Variants in MTRFR observed in about 807,000 individuals in gnomAD.
MTRFR encodes mitochondrial translation release factor in rescue, also known as probable peptide chain release factor C12orf65, mitochondrial.
In MTRFR, 10 loss-of-function variants were observed where a neutral mutation model predicts 11.9. That is an observed-to-expected ratio of 0.84 (90% CI 0.52 to 1.42). The LOEUF is 1.42. Ranked by LOEUF, MTRFR falls within the 40% of genes most tolerant of loss-of-function variation. The probability of loss-of-function intolerance (pLI) is 0.00; values close to 1 mark genes in which losing one functional copy is unlikely to be tolerated. For missense variants in MTRFR, 196 were observed against 197.9 expected, an observed-to-expected ratio of 0.99 and a Z score of 0.06; for synonymous variants, 77 against 79.1, an observed-to-expected ratio of 0.97 and a Z score of 0.14.
chr12:123,235,821 C>T (rs552728466), intron 1 of MTRFR, among the ~76,000 whole-genome samples: 8 of 151,260 alleles, frequency 5.3e-5, no homozygotes, highest in African/African-American at 1.5e-4. Flanking sequence ...CCCAGCACTT[C>T]GGGAGGCCGA....
At chr12:123,234,435 A>G (rs1206061953) in intron 1 of MTRFR, among the ~76,000 whole-genome samples, 2 of 152,048 alleles carry the variant, frequency 1.3e-5, no homozygotes, top group East Asian at 3.9e-4. Context: ...TCTCTCTGTC[A>G]CCCAGGCTGG....
At position 123,250,529 on chromosome 12, in the gene MTRFR, C is replaced by G. The variant is rs188454361; in HGVS notation, c.-28-3118C>G. 3 of 152,290 alleles carry G rather than the reference C, an allele frequency of 2.0e-5. No homozygotes were observed. The East Asian group carries it at 5.8e-4, about 29-fold the overall frequency. The allele number at this position is 152,290 out of a possible 1,614,324, so 9.4% of individuals were successfully genotyped here. On this transcript the variant is annotated intron_variant, in intron 1 of 2. Coordinates refer to ENST00000253233, the MANE Select transcript of MTRFR (RefSeq NM_152269.5). Reference sequence around the variant, plus strand: ...TCTAGGGCTGAAGGCTGTTCAGATTCTTTTGTCCCATGGGGTGTTCTCTTC... The same window carrying G: ...TCTAGGGCTGAAGGCTGTTCAGATTGTTTTGTCCCATGGGGTGTTCTCTTC...
intron 1 of MTRFR, among the ~76,000 whole-genome samples, chr12:123,237,864 C>G (rs1205528123): frequency 6.6e-6 from 1 of 151,622 alleles, no homozygotes; most frequent in Non-Finnish European, 1.5e-5. Context: ...ATGCTACTTT[C>G]TTTTTAACTA....
In MTRFR at chr12:123,257,157, A is replaced by G. The variant is rs971411803; in HGVS notation, c.*126A>G. On this transcript the variant is annotated 3_prime_UTR_variant, in exon 3 of 3. Coordinates refer to ENST00000253233, the MANE Select transcript of MTRFR (RefSeq NM_152269.5). ...AATATTTTTGATGAACTTAAAAGACAACAAATTTATTTAAATGGTGCACTA... is the reference window on the plus strand; with the variant it reads ...AATATTTTTGATGAACTTAAAAGACGACAAATTTATTTAAATGGTGCACTA... The G allele has an allele frequency of 1.4e-5, 11 of 808,648 alleles. No homozygotes were observed. The highest frequency in any genetic ancestry group is 2.1e-5 in the Non-Finnish European group (10 of 479,294). 50.1% of individuals were successfully genotyped at this position (808,648 alleles called of 1,614,324 possible).
chr12:123,256,627 C>T (rs1444645134), intron 2 of MTRFR, among the ~76,000 whole-genome samples, 186 bp from the exon 3 acceptor site: 3 of 152,096 alleles, frequency 2.0e-5, no homozygotes, highest in Admixed American at 6.5e-5. Context: ...ACCCAGGAGG[C>T]GGAGGTTGCA....
intron 2 of MTRFR, chr12:123,255,106 C>G (rs897654413): frequency 6.6e-6 from 1 of 152,130 alleles, no homozygotes; most frequent in Non-Finnish European, 1.5e-5. Flanking sequence ...AGGAACTGTT[C>G]GAAGCAGCAT....
At chr12:123,238,078 TAC>T (rs1321031124) in intron 1 of MTRFR, among the ~76,000 whole-genome samples, 1 of 151,900 alleles carries the variant, frequency 6.6e-6, no homozygotes, top group African/African-American at 2.4e-5. Flanking sequence ...TGTATTTTAG[TAC>T]AGAGGGGGTT....
At chr12:123,239,410 G>T (rs142893353) in intron 1 of MTRFR, among the ~76,000 whole-genome samples, 8 of 145,818 alleles carry the variant, frequency 5.5e-5, no homozygotes, top group Non-Finnish European at 4.5e-5. Context: ...TTGTTTTTTT[G>T]TTTGTTTTTT....
intron 1 of MTRFR, among the ~76,000 whole-genome samples, chr12:123,245,741 G>A (rs1179340929): frequency 6.6e-6 from 1 of 152,140 alleles, no homozygotes; most frequent in South Asian, 2.1e-4. Flanking sequence ...CTACTGATTT[G>A]TGTATGTTAA....
rs1415607035 is a variant in MTRFR, at chr12:123,257,317, C to A, written c.*286C>A. On this transcript the variant is annotated 3_prime_UTR_variant, in exon 3 of 3. Coordinates refer to ENST00000253233, the MANE Select transcript of MTRFR (RefSeq NM_152269.5). ...ATCACTTGAGGTCAGGAGTTTGAGA[C>A]CAGCCTGGCCAACATGGTGAAACCC... 3.1e-6 allele frequency: 1 copy of A among 327,188 alleles called. No homozygotes were observed. Among genetic ancestry groups the A allele is most frequent in the African/African-American group, 2.2e-5 (1 of 46,168 alleles). 20.3% of individuals were successfully genotyped at this position (327,188 alleles called of 1,614,324 possible).
At chr12:123,254,813 G>C (rs1042298447) in intron 2 of MTRFR, 1 of 152,064 alleles carries the variant, frequency 6.6e-6, no homozygotes, top group Non-Finnish European at 1.5e-5. Context: ...GCGCGTGCCT[G>C]TAATCCCAGT....
Position 123,256,740 on chromosome 12 carries a change from T to C in MTRFR, c.283-73T>C. 13 of 1,172,026 alleles carry C rather than the reference T, an allele frequency of 1.1e-5. No individual in the cohort carries two copies. In the South Asian group the frequency reaches 1.7e-4, roughly 15 times the overall value. The allele number at this position is 1,172,026 out of a possible 1,614,324, so 72.6% of individuals were successfully genotyped here. A position where few individuals can be genotyped will look rare whatever the true frequency, so the allele number is the denominator to read the frequency against. The stretch of plus-strand genomic sequence containing the variant: ...AAATAAAAAAGCGAACAGGTTGAAT[T>C]TAATGACTTCTGAGGTCCTGTCCAT... On this transcript the variant is annotated intron_variant, in intron 2 of 2. Coordinates refer to ENST00000253233, the MANE Select transcript of MTRFR (RefSeq NM_152269.5).
chr12:123,234,442 C>T (rs1448510992), intron 1 of MTRFR, among the ~76,000 whole-genome samples: 1 of 152,164 alleles, frequency 6.6e-6, no homozygotes, highest in Non-Finnish European at 1.5e-5. Context: ...GTCACCCAGG[C>T]TGGAGGGCAG....
chr12:123,239,381 CAT>C, intron 1 of MTRFR, among the ~76,000 whole-genome samples: 1 of 150,324 alleles, frequency 6.7e-6, no homozygotes, highest in Middle Eastern at 3.4e-3. Context: ...TAGAATTTCA[CAT>C]GTGGGTAGCA....
rs766114484 is a variant in MTRFR at position 123,253,107 on chromosome 12, T to TTTTTTTTTTTTTTTTTTTG, written c.-28-540_-28-539insTTTTTTTTTTTTTTTTTTG. On this transcript the variant is annotated intron_variant, in intron 1 of 2. Transcript: ENST00000253233. ...TTTTTTTTTTTTTTTTTTTTTTTTT[T>TTTTTTTTTTTTTTTTTTTG]GAGACACTGTCTCGCTCTGTTGTCC... 1.2e-3 allele frequency among the ~76,000 whole-genome samples: 73 copies of TTTTTTTTTTTTTTTTTTTG among 63,360 alleles called. 24 individuals carry two copies. The highest frequency in any genetic ancestry group is 2.0e-3 in the Non-Finnish European group (58 of 29,412). 41.6% of individuals were successfully genotyped at this position (63,360 alleles called of 152,430 possible).
chr12:123,254,792 C>T (rs1056210760), intron 2 of MTRFR: 11 of 151,980 alleles, frequency 7.2e-5, no homozygotes, highest in East Asian at 1.9e-4. Context: ...AAAAATTAGC[C>T]GGGTGTGGTG....
At chr12:123,250,027 G>A (rs2048094701) in intron 1 of MTRFR, 1 of 152,166 alleles carries the variant, frequency 6.6e-6, no homozygotes, top group African/African-American at 2.4e-5. Flanking sequence ...TCTTAGGTTT[G>A]GTCGTTTAAC....
chr12:123,237,459 G>A (rs932324682), intron 1 of MTRFR, among the ~76,000 whole-genome samples: 1 of 152,078 alleles, frequency 6.6e-6, no homozygotes, highest in African/African-American at 2.4e-5. Flanking sequence ...CGAGATGTTG[G>A]GATTGTGTGA....
In MTRFR at chr12:123,253,881, T is replaced by G; in HGVS notation, c.207T>G (p.Gly69=). The change falls in exon 2 of 3, where the codon GGT becomes GGG. Residue 69 remains glycine (G), a synonymous_variant. Coordinates refer to ENST00000253233, the MANE Select transcript of MTRFR (RefSeq NM_152269.5). ...AAGAGCAGTTTGTGAAAGGACACGG[T>G]CCAGGGGGCCAGGCAACCAACAAAA... The part of the protein sequence containing the change: ...ELEEQFVKGH[G]PGGQATNKTS... 2 of 1,614,172 alleles carry G rather than the reference T, an allele frequency of 1.2e-6. No individual in the cohort carries two copies. The highest frequency in any genetic ancestry group is 1.7e-6 in the Non-Finnish European group (2 of 1,180,016).
Sources: gnomAD v4.1 joint callset for allele counts (sites outside exome capture counted in the v4.1 genomes callset) on GRCh38, gnomAD v4.1.1 for gene constraint, MANE v1.5 for transcripts, NCBI Gene and HGNC (gene_info 2026-07-23, HGNC 2026-07-21) for gene names.